CYFIP1: variants seen among roughly 807,000 people sequenced by gnomAD.
The protein encoded by CYFIP1 is cytoplasmic FMR1-interacting protein 1.
CYFIP1 carries 58 observed loss-of-function variants against 163.5 expected under a neutral mutation model. That is an observed-to-expected ratio of 0.35 (90% CI 0.29 to 0.44). The LOEUF is 0.44. Ranked by LOEUF, CYFIP1 falls within the 20% of genes least tolerant of loss-of-function variation. The pLI, the probability that CYFIP1 is intolerant of heterozygous loss-of-function variation, is 1.00. For synonymous variants in CYFIP1, 663 were observed against 660.7 expected, an observed-to-expected ratio of 1.00 and a Z score of -0.05; for missense variants, 1,338 against 1,653.8, an observed-to-expected ratio of 0.81 and a Z score of 3.31.
intron 1 of CYFIP1, among the ~76,000 whole-genome samples, chr15:22,953,347 A>G (rs1391694075): frequency 1.4e-5 from 2 of 142,202 alleles, no homozygotes; most frequent in Non-Finnish European, 3.1e-5. Flanking sequence ...TTTCAAGTGC[A>G]TTTACTTTGC....
chr15:22,924,756 T>A (rs982139660), intron 13 of CYFIP1, among the ~76,000 whole-genome samples: 1 of 152,142 alleles, frequency 6.6e-6, no homozygotes, highest in Admixed American at 6.5e-5. Flanking sequence ...GAATTTACTA[T>A]GAAAAACCTT....
At chr15:22,950,714 G>C (rs1003415472) in intron 1 of CYFIP1, among the ~76,000 whole-genome samples, 3 of 152,190 alleles carry the variant, frequency 2.0e-5, no homozygotes, top group Non-Finnish European at 4.4e-5. Flanking sequence ...CCATCCCCTT[G>C]TCCAGCGTGT....
Position 22,927,948 on chromosome 15 carries a change from G to A in CYFIP1, c.1191C>T (p.Gly397=). Residue 397 remains glycine, a synonymous_variant, in exon 12 of 31, where the codon GGC becomes GGT. Coordinates refer to ENST00000617928, the MANE Select transcript of CYFIP1 (RefSeq NM_014608.6). ...YRKLFDLALQ[G]LQLLSQWSAH... Reference sequence around the variant, plus strand: ...CGCTCCACTGCGACAACAGCTGCAGGCCCTGCAGCGCCAGGTCGAAGAGCT... The same window carrying A: ...CGCTCCACTGCGACAACAGCTGCAGACCCTGCAGCGCCAGGTCGAAGAGCT... The A allele has an allele frequency of 6.2e-7, 1 of 1,605,980 alleles. No individual in the cohort carries two copies. Among genetic ancestry groups the A allele is most frequent in the Non-Finnish European group, 8.5e-7 (1 of 1,177,826 alleles).
intron 13 of CYFIP1, among the ~76,000 whole-genome samples, chr15:22,922,032 C>T (rs2142141676): frequency 6.6e-6 from 1 of 152,206 alleles, no homozygotes; most frequent in East Asian, 1.9e-4. Flanking sequence ...AAGGTGGACC[C>T]TTGTGCAGGA....
intron 20 of CYFIP1, 41 bp from the exon 21 acceptor site, chr15:22,909,354 T>TTGTTTTC (rs1415150014): frequency 6.2e-7 from 1 of 1,606,554 alleles, no homozygotes; most frequent in South Asian, 1.1e-5. Flanking sequence ...AGAGTGGACA[T>TTGTTTTC]GAGCAGCTCG....
At position 22,928,984 on chromosome 15, in the gene CYFIP1, C is replaced by T. The variant is rs574095737; in HGVS notation, c.1111-956G>A. Among the ~76,000 whole-genome samples, 6 of 151,850 alleles carry T rather than the reference C, an allele frequency of 4.0e-5. No homozygotes were observed. The East Asian group carries it at 9.7e-4, about 25-fold the overall frequency. On this transcript the variant is annotated intron_variant, in intron 11 of 30. Coordinates refer to ENST00000617928, the MANE Select transcript of CYFIP1 (RefSeq NM_014608.6). The stretch of plus-strand genomic sequence containing the variant: ...CTGTAATCCCAGCACTTTGGGAGGC[C>T]GGGGCAGGTGGATTGCCTGAGGTCA...
chr15:22,947,976 G>A (rs2062116663), intron 1 of CYFIP1: 2 of 985,534 alleles, frequency 2.0e-6, no homozygotes, highest in African/African-American at 1.7e-5. Context: ...AGTCTCAAGG[G>A]TACTCAGGAG....
intron 11 of CYFIP1, among the ~76,000 whole-genome samples, chr15:22,931,486 C>A (rs927413091): frequency 3.9e-5 from 6 of 152,022 alleles, no homozygotes; most frequent in Non-Finnish European, 8.8e-5. Flanking sequence ...CTCCTGCTCA[C>A]CTCTGGCCTC....
chr15:22,877,033 T>A (rs1311485536), intron 26 of CYFIP1, among the ~76,000 whole-genome samples: 3 of 152,120 alleles, frequency 2.0e-5, no homozygotes, highest in Non-Finnish European at 4.4e-5. Flanking sequence ...ATCCTCAGGC[T>A]TGGACATACA....
chr15:22,910,063 T>C (rs1184601476), intron 20 of CYFIP1, among the ~76,000 whole-genome samples: 1 of 152,176 alleles, frequency 6.6e-6, no homozygotes, highest in East Asian at 1.9e-4. Context: ...ATAGAAACGG[T>C]GTGTCTTTCA....
intron 24 of CYFIP1, 100 bp downstream of exon 24, chr15:22,882,768 A>G: frequency 7.2e-7 from 1 of 1,379,404 alleles, no homozygotes; most frequent in South Asian, 1.4e-5. Context: ...GAACGAATCC[A>G]GCTGTTGGAG....
intron 23 of CYFIP1, among the ~76,000 whole-genome samples, chr15:22,889,460 C>T (rs748556347): frequency 1.3e-5 from 2 of 152,194 alleles, no homozygotes; most frequent in Admixed American, 6.5e-5. Flanking sequence ...AGAATAAAAA[C>T]GTGTGTCAAG....
chr15:22,937,130 A>G lies in CYFIP1; in HGVS notation c.874T>C (p.Leu292=). ...TTGAAGTACTTGTCGATTTTGGATA[A>G]GTTTATTCTTTTCTTGGCATCCAAC... ...YKLDAKKRIN[L]SKIDKYFKQL... The change falls in exon 9 of 31, where the codon TTA becomes CTA. Residue 292 remains leucine (L), a synonymous_variant. Transcript: ENST00000617928. 3 of 1,611,470 alleles carry G rather than the reference A, an allele frequency of 1.9e-6. No homozygotes were observed. The highest frequency in any genetic ancestry group is 2.5e-6 in the Non-Finnish European group (3 of 1,177,540).
intron 23 of CYFIP1, among the ~76,000 whole-genome samples, chr15:22,887,581 G>T (rs760771894): frequency 1.3e-5 from 2 of 152,134 alleles, no homozygotes; most frequent in Non-Finnish European, 2.9e-5. Context: ...AGCTGTCAGA[G>T]GAGGCATCAC....
chr15:22,944,645 C>A lies in CYFIP1; in HGVS notation c.300G>T (p.Glu100Asp). The A allele has an allele frequency of 6.2e-7, 1 of 1,613,734 alleles. No individual in the cohort carries two copies. ...SRAIPQVKCN[E>D]QPNRVEIYEK... ...CGTAGATTTCCACTCTGTTAGGCTG[C>A]TCGTTACATTTCACCTGGGAATAAA... Residue 100 changes from glutamate to aspartate, a missense_variant, in exon 5 of 31, where the codon GAG (glutamate) becomes GAT (aspartate). Glu to Asp is a conservative substitution (Grantham distance 45). Transcript: ENST00000617928.
Position 22,917,989 on chromosome 15 carries a change from C to T in CYFIP1, c.1527-54G>A. The T allele has an allele frequency of 6.3e-7, 1 of 1,575,234 alleles. No individual in the cohort carries two copies. Among genetic ancestry groups the T allele is most frequent in the Admixed American group, 1.8e-5 (1 of 54,576 alleles). On this transcript the variant is annotated intron_variant, in intron 14 of 30. Coordinates refer to ENST00000617928, the MANE Select transcript of CYFIP1 (RefSeq NM_014608.6). The surrounding 1 kb of genome is among the most constrained non-coding windows in gnomAD (Gnocchi z 4.2). ...GCCCAGAGGCCGAGACCTCCAGCCT[C>T]ACAATCACACCATCTCCTCACCCAA...
chr15:22,899,617 G>A (rs7169318), intron 22 of CYFIP1, among the ~76,000 whole-genome samples: 3,109 of 152,186 alleles, frequency 0.02, 110 homozygotes, highest in African/African-American at 0.071. Context: ...GTGAGGCCTC[G>A]CCAGCTATGT....
At chr15:22,885,075 G>T (rs918460990) in intron 23 of CYFIP1, among the ~76,000 whole-genome samples, 1 of 152,210 alleles carries the variant, frequency 6.6e-6, no homozygotes, top group East Asian at 1.9e-4. Flanking sequence ...GATGGGAGGG[G>T]CTGCCTCGTA....
In CYFIP1 at chr15:22,945,413, C is replaced by T. The variant is rs143132929; in HGVS notation, c.208-474G>A. Among the ~76,000 whole-genome samples the T allele has an allele frequency of 2.8e-3, 432 of 152,262 alleles. 10 individuals carry two copies. Among genetic ancestry groups the T allele is most frequent in the Admixed American group, 0.024 (368 of 15,298 alleles). ...TGTGCAGGAGGAAAAGTTAGGAGCA[C>T]GCCCACAGCACTTAAAATCTAGGTA... On this transcript the variant is annotated intron_variant, in intron 3 of 30. Transcript: ENST00000617928.
Sources: allele counts gnomAD v4.1 joint callset (sites outside exome capture counted in the v4.1 genomes callset), GRCh38; gene constraint gnomAD v4.1.1; non-coding constraint Gnocchi (gnomAD v3.1); transcripts MANE v1.5; gene names NCBI Gene and HGNC (gene_info 2026-07-23, HGNC 2026-07-21).